Variants in ADGRL2 observed in about 807,000 individuals in gnomAD.
ADGRL2 encodes calcium-independent alpha-latrotoxin receptor 2.
ADGRL2 carries 44 observed loss-of-function variants against 157.4 expected under a neutral mutation model. The ratio of observed to expected loss-of-function variants is 0.28; its 90% CI spans 0.22 to 0.36. ADGRL2 has a LOEUF of 0.36. Ranked by LOEUF, ADGRL2 falls within the 10% of genes least tolerant of loss-of-function variation. ADGRL2 has a pLI of 1.00. For missense variants in ADGRL2, 1,510 were observed against 1,768.9 expected (o/e 0.85, Z 2.63); for synonymous variants, 585 against 624.7 (o/e 0.94, Z 0.95).
At chr1:81,927,026 T>C (rs995084833) in intron 3 of ADGRL2, among the ~76,000 whole-genome samples, 2 of 152,080 alleles carry the variant, frequency 1.3e-5, no homozygotes, top group Non-Finnish European at 2.9e-5. Context: ...TTTAAGGAAA[T>C]TTTTGGAGTT....
intron 3 of ADGRL2, among the ~76,000 whole-genome samples, chr1:81,627,779 C>T (rs1450201506): frequency 1.3e-5 from 2 of 152,080 alleles, no homozygotes; most frequent in Non-Finnish European, 2.9e-5. Context: ...AAGCAGGGGA[C>T]TTTGAGAGAT....
chr1:81,549,020 G>T (rs2080083742), intron 2 of ADGRL2, among the ~76,000 whole-genome samples: 1 of 152,176 alleles, frequency 6.6e-6, no homozygotes, highest in South Asian at 2.1e-4. Flanking sequence ...CTTTGCTTTA[G>T]GCAACTTTCA....
rs1234514790 is a variant in ADGRL2, at chr1:81,993,051, TAATATAC to T, written c.*1908_*1914del. 7.2e-5 allele frequency among the ~76,000 whole-genome samples: 7 copies of T among 96,750 alleles called. No homozygotes were observed. Among genetic ancestry groups the T allele is most frequent in the South Asian group, 3.6e-4 (1 of 2,780 alleles). The allele number at this position is 96,750 out of a possible 152,430, so 63.5% of individuals were successfully genotyped here. ...GATTTAAAAATTAAGTGCATATATA[TAATATAC>T]ATATATATATATATATATATATATA... On this transcript the variant is annotated 3_prime_UTR_variant, in exon 24 of 24. Coordinates refer to ENST00000686636, the MANE Select transcript of ADGRL2 (RefSeq NM_001366006.2).
intron 3 of ADGRL2, among the ~76,000 whole-genome samples, chr1:81,922,397 C>CTATTTT (rs1281909371): frequency 6.6e-6 from 1 of 151,988 alleles, no homozygotes; most frequent in Non-Finnish European, 1.5e-5. Context: ...ATATATATCT[C>CTATTTT]AAAAATTATG....
chr1:81,607,235 A>C (rs146256264), intron 3 of ADGRL2, among the ~76,000 whole-genome samples: 4 of 152,182 alleles, frequency 2.6e-5, no homozygotes, highest in Non-Finnish European at 1.5e-5. Context: ...TATCAAACAC[A>C]CTCGAAGTTA....
intron 1 of ADGRL2, among the ~76,000 whole-genome samples, chr1:81,817,540 G>A (rs2090536368): frequency 6.6e-6 from 1 of 151,888 alleles, no homozygotes; most frequent in Non-Finnish European, 1.5e-5. Flanking sequence ...ATTTGTCTGG[G>A]TCTTTAAAAA....
chr1:81,409,579 T>C (rs1194317344), intron 1 of ADGRL2, among the ~76,000 whole-genome samples: 1 of 152,180 alleles, frequency 6.6e-6, no homozygotes, highest in Non-Finnish European at 1.5e-5. Context: ...AATATTCCTG[T>C]ACCAAGGTGT....
At chr1:81,783,500 CTTG>C (rs957810788) in intron 2 of ADGRL2, among the ~76,000 whole-genome samples, 2 of 151,520 alleles carry the variant, frequency 1.3e-5, no homozygotes, top group African/African-American at 2.4e-5. Context: ...ATTTTTATCT[CTTG>C]TTGTTTGTAA....
At chr1:81,460,164 A>T (rs896859599) in intron 2 of ADGRL2, among the ~76,000 whole-genome samples, 1 of 151,694 alleles carries the variant, frequency 6.6e-6, no homozygotes, top group East Asian at 1.9e-4. Context: ...CACTCTGTTG[A>T]TTATTTTCTT....
intron 2 of ADGRL2, among the ~76,000 whole-genome samples, chr1:81,529,422 T>C (rs1212338307): frequency 6.6e-6 from 1 of 152,224 alleles, no homozygotes; most frequent in Non-Finnish European, 1.5e-5. Flanking sequence ...CATGTTTCAG[T>C]TGCGCCCTGT....
chr1:81,885,837 C>A (rs1332919958), intron 2 of ADGRL2, among the ~76,000 whole-genome samples: 2 of 152,108 alleles, frequency 1.3e-5, no homozygotes, highest in South Asian at 2.1e-4. Flanking sequence ...AATTTGAGCA[C>A]CCTGTTACTG....
At chr1:81,419,665 T>C (rs1230057307) in intron 1 of ADGRL2, among the ~76,000 whole-genome samples, 1 of 152,172 alleles carries the variant, frequency 6.6e-6, no homozygotes, top group Admixed American at 6.5e-5. Flanking sequence ...TGCATAGAGG[T>C]AAATACGCAT....
intron 2 of ADGRL2, among the ~76,000 whole-genome samples, chr1:81,532,418 A>G (rs752304660): frequency 8.7e-4 from 132 of 152,218 alleles, no homozygotes; most frequent in Admixed American, 1.8e-3. Flanking sequence ...TCTTTTTTTT[A>G]ACTTCTATTC....
rs144773461 is a variant in ADGRL2, at chr1:81,320,660, C to A, written c.-302+14151C>A. ...ATAGTAATATTTTGTAAGAAAGCTT[C>A]TTTTCTGAGCAGTGGGTCTTCATAA... On this transcript the variant is annotated intron_variant, in intron 1 of 24. Transcript: ENST00000370721. Among the ~76,000 whole-genome samples the A allele has an allele frequency of 5.7e-3, 869 of 152,322 alleles. 7 individuals are homozygous for A. Among genetic ancestry groups the A allele is most frequent in the African/African-American group, 0.017 (725 of 41,570 alleles).
intron 1 of ADGRL2, among the ~76,000 whole-genome samples, chr1:81,732,798 C>A (rs2084769076): frequency 6.6e-6 from 1 of 152,010 alleles, no homozygotes; most frequent in Admixed American, 6.6e-5. Context: ...GGATGGAATA[C>A]CATATATATG....
intron 1 of ADGRL2, among the ~76,000 whole-genome samples, chr1:81,420,078 A>T (rs1367428815): frequency 6.6e-6 from 1 of 152,206 alleles, no homozygotes; most frequent in Non-Finnish European, 1.5e-5. Context: ...AAAAAAGGAA[A>T]ATCAGAAAAA....
intron 1 of ADGRL2, among the ~76,000 whole-genome samples, chr1:81,751,152 A>C (rs2085476995): frequency 6.6e-6 from 1 of 152,200 alleles, no homozygotes; most frequent in African/African-American, 2.4e-5. Flanking sequence ...CATATCTGGG[A>C]CAATTTGAAA....
chr1:81,376,623 T>G (rs533115925), intron 1 of ADGRL2, among the ~76,000 whole-genome samples: 13 of 150,502 alleles, frequency 8.6e-5, no homozygotes, highest in African/African-American at 3.2e-4. Flanking sequence ...CTCTCTCCCT[T>G]TCTCTTCTTC....
At chr1:81,895,584 G>A (rs1030880875) in intron 2 of ADGRL2, among the ~76,000 whole-genome samples, 2 of 151,496 alleles carry the variant, frequency 1.3e-5, no homozygotes, top group Admixed American at 6.6e-5. Context: ...TAGTAGAGAC[G>A]GGGTTTCACC....
Sources: gnomAD v4.1 joint callset for allele counts (sites outside exome capture counted in the v4.1 genomes callset) on GRCh38, gnomAD v4.1.1 for gene constraint, MANE v1.5 for transcripts, NCBI Gene and HGNC (gene_info 2026-07-23, HGNC 2026-07-21) for gene names.